Variants in FOXN2 observed in about 807,000 individuals in gnomAD.
FOXN2 encodes the protein forkhead box protein N2.
A neutral mutation model predicts 41.2 loss-of-function variants in FOXN2; 19 were observed. The observed-to-expected ratio is 0.46, with a 90% CI of 0.32 to 0.68. The LOEUF (loss-of-function observed/expected upper bound fraction) is 0.68. Among genes scored for constraint, FOXN2 ranks in the 30% least tolerant of loss-of-function variants. The pLI is 0.03. For missense variants in FOXN2, 587 were observed against 509.4 expected, an observed-to-expected ratio of 1.15 and a Z score of -1.47; for synonymous variants, 195 against 176.8, an observed-to-expected ratio of 1.10 and a Z score of -0.82.
intron 3 of FOXN2, among the ~76,000 whole-genome samples, chr2:48,351,382 G>A (rs1165537651): frequency 6.6e-6 from 1 of 152,124 alleles, no homozygotes; most frequent in Non-Finnish European, 1.5e-5. Flanking sequence ...TAAAAAGTAA[G>A]AAGGCAAACA....
Position 48,324,525 on chromosome 2 carries a change from A to T in FOXN2, c.-156-4036A>T, listed in dbSNP as rs1408880678. On this transcript the variant is annotated intron_variant, in intron 1 of 6. Coordinates refer to ENST00000340553, the MANE Select transcript of FOXN2 (RefSeq NM_002158.4). ...CTTCAAATTTTTTTTTGTTTCATGT[A>T]GTTTGATTAAAATGACTTCTTTGTT... Among the ~76,000 whole-genome samples the T allele has an allele frequency of 3.9e-5, 6 of 152,176 alleles. No individual in the cohort carries two copies. The South Asian group carries it at 1.2e-3, about 32-fold the overall frequency.
At chr2:48,366,105 C>A (rs1442104139) in intron 5 of FOXN2, among the ~76,000 whole-genome samples, 1 of 152,050 alleles carries the variant, frequency 6.6e-6, no homozygotes, top group East Asian at 1.9e-4. Flanking sequence ...GCCTATAATC[C>A]CAGCACTTTG....
intron 5 of FOXN2, among the ~76,000 whole-genome samples, chr2:48,370,731 A>G (rs1672836703): frequency 6.6e-6 from 1 of 152,108 alleles, no homozygotes; most frequent in South Asian, 2.1e-4. Context: ...AGTAGTTTGC[A>G]TATATTTTAT....
intron 1 of FOXN2, among the ~76,000 whole-genome samples, chr2:48,324,820 T>TA (rs904845997): frequency 1.3e-5 from 2 of 152,106 alleles, no homozygotes; most frequent in African/African-American, 4.8e-5. Flanking sequence ...ATAACTACAG[T>TA]AAAAAAGAGG....
rs550217859 is a variant in FOXN2 at position 48,375,000 on chromosome 2, C to T, written c.853C>T (p.Arg285Ter). Residue 285 changes from arginine (R) to a stop codon, truncating the protein, a stop_gained, in exon 7 of 7, where the codon CGA becomes TGA. Transcript: ENST00000340553. LOFTEE classifies it high-confidence loss of function. ...GNAFHHPSAV[R>*]LQESDSLATS... The stretch of plus-strand genomic sequence containing the variant: ...TGCATTTCATCATCCCAGTGCTGTA[C>T]GATTACAAGAGAGTGATTCTTTAGC... 1.2e-6 allele frequency: 2 copies of T among 1,613,912 alleles called. No homozygotes were observed. The highest frequency in any genetic ancestry group is 2.2e-5 in the South Asian group (2 of 91,082).
At chr2:48,351,792 G>T (rs1444423818) in intron 3 of FOXN2, among the ~76,000 whole-genome samples, 4 of 152,116 alleles carry the variant, frequency 2.6e-5, no homozygotes, top group Non-Finnish European at 5.9e-5. Flanking sequence ...ACCTGTACCG[G>T]TCTCCAGCTT....
At chr2:48,329,128 T>G (rs1182681929) in intron 2 of FOXN2, among the ~76,000 whole-genome samples, 1 of 152,218 alleles carries the variant, frequency 6.6e-6, no homozygotes, top group Non-Finnish European at 1.5e-5. Flanking sequence ...ATCAGGTTTG[T>G]AAGTTATTGC....
chr2:48,329,637 C>T (rs1408312705), intron 2 of FOXN2, among the ~76,000 whole-genome samples: 1 of 152,136 alleles, frequency 6.6e-6, no homozygotes, highest in Non-Finnish European at 1.5e-5. Flanking sequence ...TGCTTCAGTT[C>T]TCCTGGATAC....
At chr2:48,328,197 C>G (rs922251946) in intron 1 of FOXN2, among the ~76,000 whole-genome samples, 2 of 152,258 alleles carry the variant, frequency 1.3e-5, no homozygotes, top group South Asian at 2.1e-4. Flanking sequence ...TTAGGACTTT[C>G]GCTCTGTTGA....
chr2:48,358,866 T>C (rs1028679528), intron 3 of FOXN2, among the ~76,000 whole-genome samples, 181 bp from the exon 4 acceptor site: 2 of 130,680 alleles, frequency 1.5e-5, no homozygotes, highest in Non-Finnish European at 3.5e-5. Context: ...GGAAGTTTTG[T>C]ACATCATAGG....
chr2:48,342,842 T>C (rs1052645453), intron 2 of FOXN2, among the ~76,000 whole-genome samples: 10 of 152,218 alleles, frequency 6.6e-5, no homozygotes, highest in Non-Finnish European at 1.3e-4. Context: ...ACTTGGTTTT[T>C]AATAATGTCA....
At chr2:48,343,998 A>G (rs921035843) in intron 2 of FOXN2, among the ~76,000 whole-genome samples, 2 of 152,204 alleles carry the variant, frequency 1.3e-5, no homozygotes, top group Non-Finnish European at 2.9e-5. Context: ...AAAGTGAGAC[A>G]TTAGAAATTA....
rs34136171 is a variant in FOXN2 at position 48,375,047 on chromosome 2, A to G, written c.900A>G (p.Glu300=). The change falls in exon 7 of 7, where the codon GAA becomes GAG. Residue 300 remains glutamate, a synonymous_variant. Coordinates refer to ENST00000340553, the MANE Select transcript of FOXN2 (RefSeq NM_002158.4). ...TAGCCACCAGCATTGATCCAAAAGA[A>G]GATCACAATTACAGTGCAAGTAGCA... The part of the protein sequence containing the change: ...DSLATSIDPK[E]DHNYSASSMA... 122,416 of 1,613,984 alleles carry G rather than the reference A, an allele frequency of 0.076. 5,289 individuals carry two copies. Among genetic ancestry groups the G allele is most frequent in the Non-Finnish European group, 0.085 (100,123 of 1,179,902 alleles).
At chr2:48,373,012 G>C (rs551859791) in intron 5 of FOXN2, among the ~76,000 whole-genome samples, 5 of 151,102 alleles carry the variant, frequency 3.3e-5, no homozygotes, top group African/African-American at 9.7e-5. Context: ...TTAAGTTTTC[G>C]TTTTCATTGT....
chr2:48,362,501 C>A, intron 4 of FOXN2, 142 bp from the exon 5 acceptor site: 2 of 672,722 alleles, frequency 3.0e-6, no homozygotes, highest in South Asian at 1.8e-5. Flanking sequence ...CTCAGAAAGT[C>A]AAGGCTGCAG....
At chr2:48,366,614 C>A (rs916854691) in intron 5 of FOXN2, among the ~76,000 whole-genome samples, 2 of 152,024 alleles carry the variant, frequency 1.3e-5, no homozygotes, top group Non-Finnish European at 2.9e-5. Context: ...CCTCCTCTGC[C>A]TAGAACAATT....
intron 1 of FOXN2, among the ~76,000 whole-genome samples, chr2:48,322,056 C>A (rs1220273967): frequency 1.3e-5 from 2 of 152,188 alleles, no homozygotes; most frequent in Non-Finnish European, 2.9e-5. Context: ...TCAAGCAATT[C>A]TTTCTCAGCC....
chr2:48,364,820 C>T (rs1188993014), intron 5 of FOXN2, among the ~76,000 whole-genome samples: 1 of 152,238 alleles, frequency 6.6e-6, no homozygotes, highest in Admixed American at 6.5e-5. Context: ...CAGAGACCTA[C>T]ATATTATATC....
At chr2:48,353,874 A>G (rs1182175112) in intron 3 of FOXN2, among the ~76,000 whole-genome samples, 1 of 151,290 alleles carries the variant, frequency 6.6e-6, no homozygotes, top group African/African-American at 2.4e-5. Context: ...TACATATTTC[A>G]TAATTATTTT....
Sources: allele counts gnomAD v4.1 joint callset (sites outside exome capture counted in the v4.1 genomes callset), GRCh38; gene constraint gnomAD v4.1.1; transcripts MANE v1.5; gene names NCBI Gene and HGNC (gene_info 2026-07-23, HGNC 2026-07-21).